Variants in MAPK8IP3 observed in about 807,000 individuals in gnomAD.
The protein encoded by MAPK8IP3 is C-Jun-amino-terminal kinase-interacting protein 3.
MAPK8IP3 carries 49 observed loss-of-function variants against 157.8 expected under a neutral mutation model. That is an observed-to-expected ratio of 0.31 (90% CI 0.25 to 0.39). The LOEUF is 0.39. Ranked by LOEUF, MAPK8IP3 falls within the 10% of genes least tolerant of loss-of-function variation. The pLI, the probability that MAPK8IP3 is intolerant of heterozygous loss-of-function variation, is 1.00. For synonymous variants in MAPK8IP3, 897 were observed against 777.7 expected, an observed-to-expected ratio of 1.15 and a Z score of -2.55; for missense variants, 1,478 against 1,889.4, an observed-to-expected ratio of 0.78 and a Z score of 4.04.
chr16:1,736,602 G>C (rs2039870981), intron 4 of MAPK8IP3, among the ~76,000 whole-genome samples: 1 of 75,516 alleles, frequency 1.3e-5, no homozygotes, highest in Non-Finnish European at 2.7e-5. Flanking sequence ...ATCCATGTGA[G>C]CATCCGTGTG....
At chr16:1,736,047 C>CAT (rs2039746423) in intron 4 of MAPK8IP3, among the ~76,000 whole-genome samples, 1 of 119,008 alleles carries the variant, frequency 8.4e-6, no homozygotes, top group African/African-American at 3.5e-5. Flanking sequence ...TCCGTGTGAG[C>CAT]GTGTGACCGT....
chr16:1,748,496 G>A, intron 7 of MAPK8IP3, 106 bp from the exon 8 acceptor site: 1 of 1,155,676 alleles, frequency 8.7e-7, no homozygotes, highest in Non-Finnish European at 1.3e-6. Flanking sequence ...AGGGCAGTGT[G>A]GGCATTGAAT....
rs8048933 is a variant in MAPK8IP3, at chr16:1,765,208, G to A, written c.2446+30G>A. On this transcript the variant is annotated intron_variant, in intron 20 of 31. Coordinates refer to ENST00000610761, the MANE Select transcript of MAPK8IP3 (RefSeq NM_001318852.2). ...GCAGCTGGAGTGGGCGTTTCCACTC[G>A]GGCGCCACTCCCTTTTACTAGCAAG... 5,240 of 1,570,134 alleles carry A rather than the reference G, an allele frequency of 3.3e-3. 350 individuals are homozygous for A. The Admixed American group carries it at 0.086, about 26-fold the overall frequency.
At chr16:1,762,540 G>T in intron 14 of MAPK8IP3, 59 bp downstream of exon 14, 1 of 1,600,748 alleles carries the variant, frequency 6.2e-7, no homozygotes. Flanking sequence ...GCAGGACTGC[G>T]GCTCCCTCCT....
intron 1 of MAPK8IP3, chr16:1,714,344 G>A (rs1178060890): frequency 1.4e-5 from 2 of 145,962 alleles, no homozygotes; most frequent in Non-Finnish European, 2.9e-5. Context: ...TGAGGGGGGT[G>A]CGTCTTTGCG....
rs1466081885 is a variant in MAPK8IP3, at chr16:1,748,320, G to C, written c.1071G>C (p.Glu357Asp). Residue 357 changes from glutamate (E) to aspartate (D), a missense_variant, in exon 7 of 32, where the codon GAG becomes GAC. Physicochemically the swap from Glu to Asp is conservative, Grantham distance 45. This residue lies in a region of MAPK8IP3 where 315 missense variants were observed against 394.4 expected (regional missense o/e 0.80). Coordinates refer to ENST00000610761, the MANE Select transcript of MAPK8IP3 (RefSeq NM_001318852.2). ...DSTPELDMCP[E>D]TRLDRTGSSP... is the part of the protein sequence containing the mutation. ...CGCCAGAGCTGGACATGTGTCCAGA[G>C]ACCCGCCTGGACCGCACAGGAAGCA... 1 of 1,613,786 alleles carries C rather than the reference G, an allele frequency of 6.2e-7. No individual in the cohort carries two copies. The highest frequency in any genetic ancestry group is 8.5e-7 in the Non-Finnish European group (1 of 1,179,972).
intron 4 of MAPK8IP3, among the ~76,000 whole-genome samples, chr16:1,736,651 CGTGTGAGCGT>C (rs2039882629): frequency 1.6e-5 from 1 of 61,858 alleles, no homozygotes; most frequent in Non-Finnish European, 3.0e-5. Flanking sequence ...TGTGACCGTC[CGTGTGAGCGT>C]GTGACCGTCC....
chr16:1,748,741 G>A lies in MAPK8IP3; in HGVS notation c.1216+21G>A, dbSNP rs200305599. 3.6e-5 allele frequency: 57 copies of A among 1,579,196 alleles called. No homozygotes were observed. The African/African-American group carries it at 5.3e-4, about 15-fold the overall frequency. ...CCTAGGTAAGCGCAAGCCTTCCCCC[G>A]CACCGCTGTGCCTGCACAATGCTGG... On this transcript the variant is annotated intron_variant, in intron 8 of 31. Coordinates refer to ENST00000610761, the MANE Select transcript of MAPK8IP3 (RefSeq NM_001318852.2).
In MAPK8IP3 at chr16:1,738,116, G is replaced by T. The variant is rs535739465; in HGVS notation, c.603-5216G>T. On this transcript the variant is annotated intron_variant, in intron 4 of 31. Transcript: ENST00000610761. ...CATGTGAGCATCCATGTGACCGTCC[G>T]TGTGAGCGTGACTGTCCGTGTGTGT... Among the ~76,000 whole-genome samples, 3 of 97,358 alleles carry T rather than the reference G, an allele frequency of 3.1e-5. No homozygotes were observed. In the South Asian group the frequency reaches 1.7e-3, roughly 54 times the overall value. The allele number at this position is 97,358 out of a possible 152,430, so 63.9% of individuals were successfully genotyped here.
chr16:1,765,708 C>A (rs186875210), intron 20 of MAPK8IP3, among the ~76,000 whole-genome samples: 147 of 152,302 alleles, frequency 9.7e-4, no homozygotes, highest in African/African-American at 3.3e-3. Flanking sequence ...AGGTTGTTTG[C>A]TCCCAGAACC....
At chr16:1,738,577 A>AGT (rs1272457850) in intron 4 of MAPK8IP3, among the ~76,000 whole-genome samples, 1 of 107,916 alleles carries the variant, frequency 9.3e-6, no homozygotes, top group Admixed American at 1.1e-4. Flanking sequence ...CATCCGTGTG[A>AGT]GTGTGACCAT....
At chr16:1,740,278 G>A (rs777810370) in intron 4 of MAPK8IP3, among the ~76,000 whole-genome samples, 2 of 149,284 alleles carry the variant, frequency 1.3e-5, no homozygotes, top group Non-Finnish European at 3.0e-5. Context: ...CCGTCCGTGT[G>A]AGTGTCCGCA....
chr16:1,753,447 T>TG (rs2041412225), intron 8 of MAPK8IP3, among the ~76,000 whole-genome samples: 1 of 150,742 alleles, frequency 6.6e-6, no homozygotes, highest in African/African-American at 2.4e-5. Context: ...ATTTATTTAT[T>TG]TATTTATTTT....
At chr16:1,729,632 C>A in intron 4 of MAPK8IP3, 54 bp downstream of exon 4, 2 of 1,492,478 alleles carry the variant, frequency 1.3e-6, no homozygotes, top group South Asian at 2.4e-5. Flanking sequence ...GGCGGAGGTA[C>A]GCAGGACGCG....
At chr16:1,734,239 T>C (rs1025290003) in intron 4 of MAPK8IP3, among the ~76,000 whole-genome samples, 4 of 152,262 alleles carry the variant, frequency 2.6e-5, no homozygotes, top group Non-Finnish European at 5.9e-5. Context: ...CCTGTCTCCC[T>C]GAGCATGCCG....
At chr16:1,762,549 C>T (rs1473119847) in intron 14 of MAPK8IP3, 68 bp downstream of exon 14, 1 of 1,593,812 alleles carries the variant, frequency 6.3e-7, no homozygotes, top group Non-Finnish European at 8.6e-7. Context: ...CGGCTCCCTC[C>T]TCTGCACCTC....
chr16:1,736,341 A>ACC, intron 4 of MAPK8IP3, among the ~76,000 whole-genome samples: 1 of 57,882 alleles, frequency 1.7e-5, no homozygotes, highest in Non-Finnish European at 3.2e-5. Context: ...CATCCGTGTG[A>ACC]GCGTGTGACC....
At chr16:1,767,433 A>G in intron 26 of MAPK8IP3, 131 bp from the exon 27 acceptor site, 1 of 1,499,148 alleles carries the variant, frequency 6.7e-7, no homozygotes, top group Non-Finnish European at 9.1e-7. Context: ...TCAGGCTCGA[A>G]CAGGCGCAAA....
intron 25 of MAPK8IP3, 78 bp downstream of exon 25, chr16:1,767,049 C>T (rs2042311861): frequency 6.4e-7 from 1 of 1,573,290 alleles, no homozygotes; most frequent in South Asian, 1.2e-5. Flanking sequence ...TCCCGGGGTT[C>T]CAGGCCTCTC....
Sources: gnomAD v4.1 joint callset for allele counts (sites outside exome capture counted in the v4.1 genomes callset) on GRCh38, gnomAD v4.1.1 for gene constraint, gnomAD v4.1.1 regional missense constraint, MANE v1.5 for transcripts, NCBI Gene and HGNC (gene_info 2026-07-23, HGNC 2026-07-21) for gene names.